Variants in CREM observed in about 807,000 individuals in gnomAD.
The protein encoded by CREM is cAMP-responsive element modulator.
A neutral mutation model predicts 37.3 loss-of-function variants in CREM; 13 were observed. That is an observed-to-expected ratio of 0.35 (90% CI 0.23 to 0.55). The LOEUF (loss-of-function observed/expected upper bound fraction) is 0.55. Among genes scored for constraint, CREM ranks in the 20% least tolerant of loss-of-function variants. The pLI is 0.88. For synonymous variants in CREM, 124 were observed against 120.2 expected (o/e 1.03, Z -0.21); for missense variants, 296 against 362.3 (o/e 0.82, Z 1.49).
chr10:35,138,304 T>A (rs2090900699), intron 2 of CREM, among the ~76,000 whole-genome samples: 1 of 152,246 alleles, frequency 6.6e-6, no homozygotes, highest in Admixed American at 6.5e-5. Flanking sequence ...TTCTTTTGAT[T>A]ACTTTCAGAG....
At chr10:35,165,056 C>CAAAA (rs60898349) in intron 3 of CREM, among the ~76,000 whole-genome samples, 9,473 of 72,944 alleles carry the variant, frequency 0.13, 623 homozygotes, top group East Asian at 0.18. Context: ...GGCTCCATCT[C>CAAAA]AAAAAAAAAA....
chr10:35,167,810 G>A, intron 3 of CREM: 13 of 1,612,128 alleles, frequency 8.1e-6, no homozygotes, highest in Non-Finnish European at 1.1e-5. Context: ...AAAGGTAAAT[G>A]ATGTCTGCTA....
intron 5 of CREM, among the ~76,000 whole-genome samples, chr10:35,185,534 T>G (rs2094522189): frequency 6.6e-6 from 1 of 152,188 alleles, no homozygotes; most frequent in Non-Finnish European, 1.5e-5. Context: ...CATACACAAT[T>G]TACTCATGTC....
intron 6 of CREM, among the ~76,000 whole-genome samples, chr10:35,201,641 TAA>T (rs80113848): frequency 1.4e-5 from 2 of 141,840 alleles, no homozygotes. Context: ...ATACTGAACC[TAA>T]AAAAAAAAAA....
rs1322500284 is a variant in CREM at position 35,167,588 on chromosome 10, C to T, written c.169-11301C>T. ...TAGGTGCTAATCAAATGCTGTGTTACAACACTGTGAGGTTTTCCCAGTTAT... is the reference window on the plus strand; with the variant it reads ...TAGGTGCTAATCAAATGCTGTGTTATAACACTGTGAGGTTTTCCCAGTTAT... On this transcript the variant is annotated intron_variant, in intron 3 of 7. Coordinates refer to ENST00000685392, the MANE Select transcript of CREM (RefSeq NM_183011.2). The T allele has an allele frequency of 3.8e-6, 3 of 789,672 alleles. No individual in the cohort carries two copies. The African/African-American group carries it at 5.2e-5, about 14-fold the overall frequency. The allele number at this position is 789,672 out of a possible 1,614,324, so 48.9% of individuals were successfully genotyped here.
In CREM at chr10:35,148,401, T is replaced by C. The variant is rs996477986; in HGVS notation, c.78T>C (p.His26=). The C allele has an allele frequency of 6.2e-7, 1 of 1,613,370 alleles. No individual in the cohort carries two copies. The highest frequency in any genetic ancestry group is 2.2e-5 in the East Asian group (1 of 44,806). Residue 26 remains histidine, a synonymous_variant, in exon 3 of 8, where the codon CAT becomes CAC. Transcript: ENST00000685392. ...QMTMETVESQ[H]DGSITASLTE... Reference sequence around the variant, plus strand: ...CCATGGAAACAGTTGAATCCCAGCATGATGGAAGTATAACAGCTTCTTTGA... The same window carrying C: ...CCATGGAAACAGTTGAATCCCAGCACGATGGAAGTATAACAGCTTCTTTGA...
chr10:35,189,406 C>G (rs1274412905), intron 6 of CREM, among the ~76,000 whole-genome samples: 2 of 152,096 alleles, frequency 1.3e-5, no homozygotes, highest in African/African-American at 4.8e-5. Context: ...TTTCAAAACT[C>G]CTGTGTTTTA....
At chr10:35,191,476 G>GT (rs1489558324) in intron 6 of CREM, among the ~76,000 whole-genome samples, 1 of 151,708 alleles carries the variant, frequency 6.6e-6, no homozygotes, top group Non-Finnish European at 1.5e-5. Flanking sequence ...AGGAGCTCCA[G>GT]TTTAAACACA....
chr10:35,199,887 C>CTTTT lies in CREM; in HGVS notation c.599-6992_599-6989dup, dbSNP rs5784443. Among the ~76,000 whole-genome samples the CTTTT allele has an allele frequency of 1.1e-3, 137 of 121,338 alleles. 2 individuals carry two copies. Among genetic ancestry groups the CTTTT allele is most frequent in the East Asian group, 0.011 (46 of 4,126 alleles). 79.6% of individuals were successfully genotyped at this position (121,338 alleles called of 152,430 possible). On this transcript the variant is annotated intron_variant, in intron 6 of 7. Coordinates refer to ENST00000685392, the MANE Select transcript of CREM (RefSeq NM_183011.2). The stretch of plus-strand genomic sequence containing the variant: ...ATATTATTTTAAGTCGTTAAAATGG[C>CTTTT]TTTTTTTTTTTTTTTTTTTAAGACA...
chr10:35,186,906 A>G (rs1278436768), intron 5 of CREM, among the ~76,000 whole-genome samples: 1 of 50,650 alleles, frequency 2.0e-5, no homozygotes, highest in African/African-American at 5.8e-5. Flanking sequence ...TAAAAATATA[A>G]TAATTATTAA....
chr10:35,158,347 C>T (rs567679480), intron 3 of CREM: 39 of 212,522 alleles, frequency 1.8e-4, no homozygotes, highest in Admixed American at 1.6e-3. Flanking sequence ...TGCTACAGAC[C>T]GAGAAGCAGG....
At chr10:35,193,044 G>T (rs776652722) in intron 6 of CREM, among the ~76,000 whole-genome samples, 2 of 152,082 alleles carry the variant, frequency 1.3e-5, no homozygotes, top group Non-Finnish European at 2.9e-5. Flanking sequence ...TACGTTCCCC[G>T]AGGAAGCCTT....
chr10:35,133,637 G>GT (rs2089874396), intron 1 of CREM, among the ~76,000 whole-genome samples: 1 of 152,202 alleles, frequency 6.6e-6, no homozygotes, highest in African/African-American at 2.4e-5. Flanking sequence ...GCAAAACTGT[G>GT]TTTATTGTCT....
intron 6 of CREM, chr10:35,195,134 C>G: frequency 6.2e-7 from 1 of 1,600,024 alleles, no homozygotes; most frequent in Non-Finnish European, 8.5e-7. Context: ...ATTTGGAACA[C>G]TTTATGTTGA....
At chr10:35,196,094 T>C (rs1249558565) in intron 6 of CREM, 1 of 1,614,046 alleles carries the variant, frequency 6.2e-7, no homozygotes, top group Non-Finnish European at 8.5e-7. Flanking sequence ...TCTGGCCAGC[T>C]TAGTGGTAAG....
At chr10:35,182,887 C>G (rs1012725477) in intron 5 of CREM, among the ~76,000 whole-genome samples, 1 of 152,058 alleles carries the variant, frequency 6.6e-6, no homozygotes, top group Non-Finnish European at 1.5e-5. Flanking sequence ...AGCATATACC[C>G]GAGAGATGGC....
chr10:35,207,458 C>T (rs73262807), intron 7 of CREM, among the ~76,000 whole-genome samples: 49,726 of 149,938 alleles, frequency 0.33, 8,285 homozygotes, highest in South Asian at 0.35. Context: ...AAAATAATAT[C>T]AATAAATAAA....
At chr10:35,181,721 TA>T (rs951659270) in intron 5 of CREM, among the ~76,000 whole-genome samples, 2 of 151,982 alleles carry the variant, frequency 1.3e-5, no homozygotes, top group Non-Finnish European at 2.9e-5. Flanking sequence ...AAAAGAATTT[TA>T]AAAATTAGCA....
At chr10:35,137,040 C>G (rs531602252) in intron 1 of CREM, among the ~76,000 whole-genome samples, 1 of 152,260 alleles carries the variant, frequency 6.6e-6, no homozygotes, top group African/African-American at 2.4e-5. Context: ...TCTCAAACTC[C>G]TGGATTCAAG....
Sources: gnomAD v4.1 joint callset for allele counts (sites outside exome capture counted in the v4.1 genomes callset) on GRCh38, gnomAD v4.1.1 for gene constraint, MANE v1.5 for transcripts, NCBI Gene and HGNC (gene_info 2026-07-23, HGNC 2026-07-21) for gene names.